The following HLCS variants were observed in gnomAD, a reference collection of about 807,000 sequenced individuals.
HLCS encodes holocarboxylase synthetase, also known as biotin--protein ligase.
Under a neutral mutation model 75.0 loss-of-function variants are expected in HLCS, and 53 were observed. The ratio of observed to expected loss-of-function variants is 0.71; its 90% CI spans 0.57 to 0.89. The LOEUF is 0.89. Ranked by LOEUF, HLCS falls within the 40% of genes least tolerant of loss-of-function variation. HLCS has a pLI of 0.00. For synonymous variants in HLCS, 431 were observed against 428.6 expected (o/e 1.01, Z -0.07); for missense variants, 966 against 1,074.0 (o/e 0.90, Z 1.41).
chr21:36,808,939 C>T (rs552188689), intron 6 of HLCS, among the ~76,000 whole-genome samples: 7 of 152,190 alleles, frequency 4.6e-5, no homozygotes, highest in Admixed American at 6.5e-5. Context: ...TTAGGGCAGG[C>T]GTGGTGGCTC....
chr21:36,857,006 G>A (rs1476408352), intron 6 of HLCS, among the ~76,000 whole-genome samples: 1 of 152,188 alleles, frequency 6.6e-6, no homozygotes, highest in Non-Finnish European at 1.5e-5. Context: ...TGAAAGTCAC[G>A]CATGTCCATT....
chr21:36,827,245 C>A (rs758958647), intron 6 of HLCS, among the ~76,000 whole-genome samples: 1 of 152,022 alleles, frequency 6.6e-6, no homozygotes. Flanking sequence ...TGTTCTTCAG[C>A]GAGCATACTC....
At chr21:36,833,613 A>T (rs2146060807) in intron 6 of HLCS, among the ~76,000 whole-genome samples, 1 of 147,114 alleles carries the variant, frequency 6.8e-6, no homozygotes, top group African/African-American at 2.5e-5. Flanking sequence ...ATATATATAT[A>T]TTTGATTTGG....
At chr21:36,800,378 C>G (rs1468819058) in intron 6 of HLCS, among the ~76,000 whole-genome samples, 1 of 152,134 alleles carries the variant, frequency 6.6e-6, no homozygotes, top group Non-Finnish European at 1.5e-5. Flanking sequence ...GAACAATCAG[C>G]TGAGAAAACA....
intron 6 of HLCS, among the ~76,000 whole-genome samples, chr21:36,813,839 A>C (rs1040784992): frequency 6.6e-6 from 1 of 152,224 alleles, no homozygotes; most frequent in Non-Finnish European, 1.5e-5. Context: ...TAATGAGGCC[A>C]ATAAACGAGA....
chr21:36,841,028 G>A (rs1388022538), intron 6 of HLCS, among the ~76,000 whole-genome samples: 1 of 151,776 alleles, frequency 6.6e-6, no homozygotes, highest in East Asian at 1.9e-4. Flanking sequence ...GTTTGGGGTG[G>A]GTATTTTATA....
At chr21:36,769,754 G>C (rs890662458) in intron 6 of HLCS, among the ~76,000 whole-genome samples, 1 of 152,244 alleles carries the variant, frequency 6.6e-6, no homozygotes, top group Non-Finnish European at 1.5e-5. Flanking sequence ...GGACAGCCCA[G>C]TAGCCACGGA....
intron 5 of HLCS, among the ~76,000 whole-genome samples, chr21:36,923,879 G>A (rs190037152): frequency 2.0e-5 from 3 of 152,290 alleles, no homozygotes; most frequent in Admixed American, 2.0e-4. Context: ...GGTGAAGGGC[G>A]AAGGAAGAAA....
At chr21:36,976,595 CAAT>C (rs1013596279) in intron 1 of HLCS, among the ~76,000 whole-genome samples, 2 of 151,954 alleles carry the variant, frequency 1.3e-5, no homozygotes, top group African/African-American at 2.4e-5. Flanking sequence ...AAATAAATAA[CAAT>C]AATAATAATA....
Position 36,752,117 on chromosome 21 carries a change from G to A in HLCS, c.*2129C>T, listed in dbSNP as rs2089390702. The A allele has an allele frequency of 6.6e-6, 1 of 152,628 alleles. No individual in the cohort carries two copies. The highest frequency in any genetic ancestry group is 6.5e-5 in the Admixed American group (1 of 15,286). 9.5% of individuals were successfully genotyped at this position (152,628 alleles called of 1,614,324 possible). A position where few individuals can be genotyped will look rare whatever the true frequency, so the allele number is the denominator to read the frequency against. ...AGTTTTGAGAGTCTTTGGTTCATGT[G>A]AGGCAAAATCAGGTTTATGGAAAAC... On this transcript the variant is annotated 3_prime_UTR_variant, in exon 11 of 11. Transcript: ENST00000674895.
chr21:36,923,463 T>C (rs1469843703), intron 5 of HLCS, among the ~76,000 whole-genome samples: 1 of 152,194 alleles, frequency 6.6e-6, no homozygotes, highest in Non-Finnish European at 1.5e-5. Flanking sequence ...TGAGCGGGAA[T>C]GTTCCCTCGG....
chr21:36,756,679 G>A lies in HLCS; in HGVS notation c.2313C>T (p.His771=), dbSNP rs1376040224. 1 of 1,614,114 alleles carries A rather than the reference G, an allele frequency of 6.2e-7. No individual in the cohort carries two copies. The highest frequency in any genetic ancestry group is 8.5e-7 in the Non-Finnish European group (1 of 1,180,026). Residue 771 remains histidine (H), a synonymous_variant, in exon 10 of 11, where the codon CAC becomes CAT. Coordinates refer to ENST00000674895, the MANE Select transcript of HLCS (RefSeq NM_001352514.2). ...NDLITEYNKQ[H]KAELKPLRAD... ...CTCTTAAGGGCTTCAGTTCTGCCTT[G>A]TGTTGTTTATTGTATTCTGTGATGA...
chr21:36,925,369 G>A (rs189183578), intron 5 of HLCS, among the ~76,000 whole-genome samples: 69 of 152,260 alleles, frequency 4.5e-4, no homozygotes, highest in African/African-American at 1.4e-3. Flanking sequence ...CGTTGGCCAC[G>A]ATGAACACCC....
intron 6 of HLCS, among the ~76,000 whole-genome samples, chr21:36,817,648 C>T (rs1000018370): frequency 5.9e-5 from 9 of 152,132 alleles, no homozygotes; most frequent in African/African-American, 9.7e-5. Flanking sequence ...ACCAGTGAAA[C>T]GAACTTTACG....
chr21:36,827,556 A>G (rs1206409711), intron 6 of HLCS, among the ~76,000 whole-genome samples: 1 of 148,972 alleles, frequency 6.7e-6, no homozygotes, highest in African/African-American at 2.5e-5. Flanking sequence ...CCTGGGCAAG[A>G]AGGTGAGACT....
At chr21:36,958,347 G>C (rs1183293467) in intron 2 of HLCS, among the ~76,000 whole-genome samples, 1 of 152,066 alleles carries the variant, frequency 6.6e-6, no homozygotes, top group African/African-American at 2.4e-5. Flanking sequence ...AGAGACACAA[G>C]TACTGTTTGA....
At chr21:36,769,566 C>T (rs1260491364) in intron 6 of HLCS, among the ~76,000 whole-genome samples, 2 of 152,170 alleles carry the variant, frequency 1.3e-5, no homozygotes, top group Non-Finnish European at 2.9e-5. Context: ...TCCTTGCTGG[C>T]AAAGGTTGTG....
intron 6 of HLCS, among the ~76,000 whole-genome samples, chr21:36,776,668 C>T (rs771071296): frequency 1.3e-5 from 2 of 152,180 alleles, no homozygotes; most frequent in African/African-American, 2.4e-5. Flanking sequence ...CCATCTCAGC[C>T]CCCCAAAGTG....
At chr21:36,951,903 G>T (rs2067686743) in intron 2 of HLCS, among the ~76,000 whole-genome samples, 1 of 152,136 alleles carries the variant, frequency 6.6e-6, no homozygotes, top group Non-Finnish European at 1.5e-5. Flanking sequence ...AAATGTTAAT[G>T]AATGAATAAG....
Sources: gnomAD v4.1 joint callset for allele counts (sites outside exome capture counted in the v4.1 genomes callset) on GRCh38, gnomAD v4.1.1 for gene constraint, MANE v1.5 for transcripts, NCBI Gene and HGNC (gene_info 2026-07-23, HGNC 2026-07-21) for gene names.